Variants in OXR1 observed in about 807,000 individuals in gnomAD.
OXR1 encodes the protein oxidation resistance protein 1.
In OXR1, 41 loss-of-function variants were observed where a neutral mutation model predicts 104.6. That is an observed-to-expected ratio of 0.39 (90% CI 0.31 to 0.51). The LOEUF is 0.51. Among genes scored for constraint, OXR1 ranks in the 20% least tolerant of loss-of-function variants. OXR1 has a pLI of 0.77. For synonymous variants in OXR1, 348 were observed against 348.4 expected, an observed-to-expected ratio of 1.00 and a Z score of 0.01; for missense variants, 955 against 1,031.9, an observed-to-expected ratio of 0.93 and a Z score of 1.02.
chr8:106,652,761 T>G (rs865818436), intron 3 of OXR1, among the ~76,000 whole-genome samples: 1 of 150,448 alleles, frequency 6.6e-6, no homozygotes, highest in Non-Finnish European at 1.5e-5. Flanking sequence ...TAGAAGGAAA[T>G]TATAAAGATT....
intron 3 of OXR1, among the ~76,000 whole-genome samples, chr8:106,555,928 G>A (rs1035968383): frequency 7.0e-5 from 10 of 142,536 alleles, no homozygotes; most frequent in East Asian, 4.2e-4. Context: ...GTATATATAT[G>A]TACATATATA....
chr8:106,274,191 G>A (rs1331956847), intron 1 of OXR1, among the ~76,000 whole-genome samples: 25 of 152,154 alleles, frequency 1.6e-4, no homozygotes, highest in Admixed American at 1.6e-3. Context: ...CGACAGCATG[G>A]AGCGTATTGA....
At chr8:106,325,587 T>C (rs1814438137) in intron 1 of OXR1, among the ~76,000 whole-genome samples, 1 of 152,222 alleles carries the variant, frequency 6.6e-6, no homozygotes, top group Admixed American at 6.5e-5. Flanking sequence ...GTGTACATGC[T>C]GGTTACTCTC....
chr8:106,277,139 A>T (rs948353356), intron 1 of OXR1, among the ~76,000 whole-genome samples: 1 of 152,216 alleles, frequency 6.6e-6, no homozygotes, highest in Admixed American at 6.5e-5. Context: ...TTTGTAATTT[A>T]TGGTGACTGA....
intron 1 of OXR1, among the ~76,000 whole-genome samples, chr8:106,354,745 T>A (rs192578242): frequency 4.5e-4 from 68 of 152,276 alleles, no homozygotes; most frequent in Non-Finnish European, 7.4e-4. Context: ...AATTTTAAGA[T>A]CTTAATGATA....
chr8:106,581,393 G>C, intron 3 of OXR1: 1 of 431,918 alleles, frequency 2.3e-6, no homozygotes, highest in African/African-American at 2.1e-5. Flanking sequence ...AATAATAGTA[G>C]ATTCGGATAT....
rs982843357 is a variant in OXR1 at position 106,751,933 on chromosome 8, T to G, written c.*992T>G. On this transcript the variant is annotated 3_prime_UTR_variant, in exon 17 of 17. Transcript: ENST00000517566. Reference sequence around the variant, plus strand: ...TAATTACCATTAGCATTTGCTCTTATAAAGGGCAATGATTATAGTAGACAA... The same window carrying G: ...TAATTACCATTAGCATTTGCTCTTAGAAAGGGCAATGATTATAGTAGACAA... 59 of 152,378 alleles carry G rather than the reference T, an allele frequency of 3.9e-4. No individual in the cohort carries two copies. Among genetic ancestry groups the G allele is most frequent in the African/African-American group, 1.3e-3 (53 of 41,430 alleles). The allele number at this position is 152,378 out of a possible 1,614,324, so 9.4% of individuals were successfully genotyped here. A position where few individuals can be genotyped will look rare whatever the true frequency, so the allele number is the denominator to read the frequency against.
intron 2 of OXR1, among the ~76,000 whole-genome samples, chr8:106,366,366 A>G (rs1052001192): frequency 2.0e-5 from 3 of 152,212 alleles, no homozygotes; most frequent in African/African-American, 7.2e-5. Context: ...TCCAAACCTT[A>G]AGGCTAGAGT....
At chr8:106,402,031 A>T (rs1264652460) in intron 2 of OXR1, among the ~76,000 whole-genome samples, 1 of 152,158 alleles carries the variant, frequency 6.6e-6, no homozygotes, top group African/African-American at 2.4e-5. Context: ...ATTGACAGGG[A>T]TGGAGAAAAA....
intron 3 of OXR1, among the ~76,000 whole-genome samples, chr8:106,601,389 C>T (rs1167971112): frequency 6.6e-6 from 1 of 152,088 alleles, no homozygotes; most frequent in Non-Finnish European, 1.5e-5. Context: ...CTGGAAAGCC[C>T]AAGACTGAGG....
At chr8:106,430,540 T>C (rs1819322340) in intron 2 of OXR1, among the ~76,000 whole-genome samples, 3 of 152,190 alleles carry the variant, frequency 2.0e-5, no homozygotes, top group Admixed American at 6.5e-5. Flanking sequence ...CTACCTCTAT[T>C]GAAATGAAGC....
chr8:106,378,052 G>A (rs1816981954), intron 2 of OXR1, among the ~76,000 whole-genome samples: 1 of 152,138 alleles, frequency 6.6e-6, no homozygotes. Context: ...TACCAAATTA[G>A]AATCCTGTAA....
rs1454583424 is a variant in OXR1 at position 106,641,035 on chromosome 8, A to G, written c.221-38175A>G. On this transcript the variant is annotated intron_variant, in intron 3 of 16. Transcript: ENST00000517566. ...TTAAGAAAGCATCTACATAGACAGT[A>G]GTATAACTCTACAAGTTATCAAATA... Among the ~76,000 whole-genome samples, 6 of 152,266 alleles carry G rather than the reference A, an allele frequency of 3.9e-5. No homozygotes were observed. In the East Asian group the frequency reaches 1.2e-3, roughly 29 times the overall value.
intron 2 of OXR1, among the ~76,000 whole-genome samples, chr8:106,371,701 G>T (rs748140809): frequency 2.6e-5 from 4 of 152,186 alleles, no homozygotes; most frequent in Non-Finnish European, 5.9e-5. Context: ...AAATCGTGTG[G>T]TTTTCAGTGA....
intron 2 of OXR1, among the ~76,000 whole-genome samples, chr8:106,461,858 C>T (rs1820934465): frequency 6.6e-6 from 1 of 152,142 alleles, no homozygotes; most frequent in Admixed American, 6.6e-5. Context: ...ACTAATACCA[C>T]AGGTTATTCA....
chr8:106,311,254 G>A (rs2130132392), intron 1 of OXR1, among the ~76,000 whole-genome samples: 1 of 151,996 alleles, frequency 6.6e-6, no homozygotes. Context: ...ATGTTTGCAT[G>A]TCTTCTTATA....
intron 3 of OXR1, among the ~76,000 whole-genome samples, chr8:106,659,015 G>T (rs150107474): frequency 0.011 from 1,614 of 152,204 alleles, 18 homozygotes; most frequent in South Asian, 0.035. Context: ...AATATTTGAG[G>T]GTTATGAAAA....
At chr8:106,325,267 C>G (rs1269098673) in intron 1 of OXR1, among the ~76,000 whole-genome samples, 2 of 152,118 alleles carry the variant, frequency 1.3e-5, no homozygotes, top group Non-Finnish European at 2.9e-5. Flanking sequence ...ACTTGGCTGT[C>G]TTTACTTTGC....
At chr8:106,458,451 C>G (rs915221005) in intron 2 of OXR1, among the ~76,000 whole-genome samples, 1 of 152,160 alleles carries the variant, frequency 6.6e-6, no homozygotes, top group African/African-American at 2.4e-5. Flanking sequence ...GTTTGGCTCC[C>G]TCCACCAAGA....
Sources: gnomAD v4.1 joint callset for allele counts (sites outside exome capture counted in the v4.1 genomes callset) on GRCh38, gnomAD v4.1.1 for gene constraint, MANE v1.5 for transcripts, NCBI Gene and HGNC (gene_info 2026-07-23, HGNC 2026-07-21) for gene names.